The following ADAMTSL3 variants were observed in gnomAD, a reference collection of about 807,000 sequenced individuals.
The protein encoded by ADAMTSL3 is ADAMTS like 3.
A neutral mutation model predicts 201.7 loss-of-function variants in ADAMTSL3; 128 were observed. The ratio of observed to expected loss-of-function variants is 0.63; its 90% CI spans 0.55 to 0.73. The LOEUF (loss-of-function observed/expected upper bound fraction) is 0.73. Ranked by LOEUF, ADAMTSL3 falls within the 30% of genes least tolerant of loss-of-function variation. The probability of loss-of-function intolerance (pLI) is 0.00; values close to 1 mark genes in which losing one functional copy is unlikely to be tolerated. For synonymous variants in ADAMTSL3, 738 were observed against 748.4 expected (o/e 0.99, Z 0.23); for missense variants, 1,990 against 2,119.6 (o/e 0.94, Z 1.20).
chr15:83,969,468 A>G (rs1162843700), intron 19 of ADAMTSL3, among the ~76,000 whole-genome samples: 1 of 152,170 alleles, frequency 6.6e-6, no homozygotes, highest in Non-Finnish European at 1.5e-5. Context: ...CAAACAAACA[A>G]TGGACATGCC....
At chr15:83,695,062 C>T (rs903055486) in intron 2 of ADAMTSL3, among the ~76,000 whole-genome samples, 35 of 145,754 alleles carry the variant, frequency 2.4e-4, no homozygotes, top group Middle Eastern at 3.6e-3. Flanking sequence ...GTATTTGTGG[C>T]GTGTGCATGT....
At chr15:83,851,451 A>C (rs1016803681) in intron 7 of ADAMTSL3, among the ~76,000 whole-genome samples, 2 of 152,324 alleles carry the variant, frequency 1.3e-5, no homozygotes, top group African/African-American at 4.8e-5. Flanking sequence ...ACATATATGC[A>C]CACACACCCC....
intron 14 of ADAMTSL3, 117 bp from the exon 15 acceptor site, chr15:83,899,530 T>C (rs1009187396): frequency 2.0e-5 from 19 of 970,004 alleles, no homozygotes; most frequent in Non-Finnish European, 2.9e-5. Flanking sequence ...GAACTCAACT[T>C]GCATTTGAAA....
At chr15:83,775,569 C>T (rs867998707) in intron 4 of ADAMTSL3, among the ~76,000 whole-genome samples, 1 of 152,166 alleles carries the variant, frequency 6.6e-6, no homozygotes, top group Non-Finnish European at 1.5e-5. Flanking sequence ...AGTTGTTCAA[C>T]TTCTTCCATC....
intron 26 of ADAMTSL3, 38 bp from the exon 27 acceptor site, chr15:84,025,199 TA>T: frequency 6.5e-7 from 1 of 1,538,312 alleles, no homozygotes; most frequent in South Asian, 1.3e-5. Flanking sequence ...AGATCTGGCA[TA>T]CCAGTCCTTA....
At chr15:83,733,199 G>A (rs2062310712) in intron 3 of ADAMTSL3, among the ~76,000 whole-genome samples, 1 of 152,260 alleles carries the variant, frequency 6.6e-6, no homozygotes, top group Non-Finnish European at 1.5e-5. Context: ...ATCAAGACAA[G>A]TTGAACACCT....
At chr15:84,022,311 A>G (rs1369079514) in intron 26 of ADAMTSL3, among the ~76,000 whole-genome samples, 8 of 152,186 alleles carry the variant, frequency 5.3e-5, no homozygotes. Flanking sequence ...CTCTAAGAAT[A>G]AAGATATTTG....
At chr15:83,783,104 CAAT>C (rs1355184193) in intron 4 of ADAMTSL3, among the ~76,000 whole-genome samples, 1 of 147,744 alleles carries the variant, frequency 6.8e-6, no homozygotes, top group Non-Finnish European at 1.5e-5. Context: ...AACATAGAAA[CAAT>C]AATATAAAAT....
At position 83,872,627 on chromosome 15, in the gene ADAMTSL3, C is replaced by CACACACAG. The variant is rs6145659; in HGVS notation, c.960+1669_960+1670insCACACAGA. 7.9e-3 allele frequency among the ~76,000 whole-genome samples: 1,109 copies of CACACACAG among 140,936 alleles called. 22 individuals carry two copies. The highest frequency in any genetic ancestry group is 0.02 in the South Asian group (90 of 4,522). 92.5% of individuals were successfully genotyped at this position (140,936 alleles called of 152,430 possible). A position where few individuals can be genotyped will look rare whatever the true frequency, so the allele number is the denominator to read the frequency against. ...ACACACACACACACACACACACACA[C>CACACACAG]AGAGTTTTTGTTCTCTTTTAATTAC... is the stretch of plus-strand genomic sequence containing the variant. On this transcript the variant is annotated intron_variant, in intron 9 of 29. Coordinates refer to ENST00000286744, the MANE Select transcript of ADAMTSL3 (RefSeq NM_207517.3).
At chr15:83,891,458 A>C (rs1001483967) in intron 12 of ADAMTSL3, 79 bp downstream of exon 12, 1 of 1,180,602 alleles carries the variant, frequency 8.5e-7, no homozygotes, top group Non-Finnish European at 1.3e-6. Context: ...AATAGCCTAA[A>C]ATGTATGAGG....
chr15:83,987,177 C>T (rs927523061), intron 21 of ADAMTSL3, among the ~76,000 whole-genome samples: 1 of 152,224 alleles, frequency 6.6e-6, no homozygotes, highest in Non-Finnish European at 1.5e-5. Flanking sequence ...TATTTCTCCT[C>T]CATCAGGATT....
At chr15:83,808,835 A>C (rs922366476) in intron 5 of ADAMTSL3, among the ~76,000 whole-genome samples, 6 of 151,650 alleles carry the variant, frequency 4.0e-5, no homozygotes, top group African/African-American at 7.3e-5. Flanking sequence ...ACATGGATGA[A>C]TCTAGAGGAT....
chr15:83,949,201 T>C (rs1427689472), intron 19 of ADAMTSL3, among the ~76,000 whole-genome samples: 1 of 151,984 alleles, frequency 6.6e-6, no homozygotes, highest in East Asian at 1.9e-4. Flanking sequence ...CTACTCTCTA[T>C]CTCCATGAGT....
chr15:83,762,436 A>G (rs1056441437), intron 3 of ADAMTSL3, among the ~76,000 whole-genome samples: 73 of 152,154 alleles, frequency 4.8e-4, no homozygotes, highest in African/African-American at 1.6e-3. Flanking sequence ...AAGAACAAAA[A>G]TGTATTCTCT....
At chr15:83,892,061 G>C (rs1384682609) in intron 12 of ADAMTSL3, among the ~76,000 whole-genome samples, 1 of 150,654 alleles carries the variant, frequency 6.6e-6, no homozygotes, top group Non-Finnish European at 1.5e-5. Context: ...CTAAAACGTA[G>C]AAAAATTAGC....
chr15:83,700,753 G>A (rs991638992), intron 2 of ADAMTSL3, among the ~76,000 whole-genome samples: 11 of 152,256 alleles, frequency 7.2e-5, no homozygotes, highest in African/African-American at 2.6e-4. Flanking sequence ...GACAGAGCAA[G>A]ACTCCGTCTA....
At chr15:84,023,593 T>G (rs1343815629) in intron 26 of ADAMTSL3, among the ~76,000 whole-genome samples, 1 of 152,224 alleles carries the variant, frequency 6.6e-6, no homozygotes, top group South Asian at 2.1e-4. Context: ...AAACTCATGC[T>G]TCAGTAACTT....
Position 83,850,920 on chromosome 15 carries a change from T to C in ADAMTSL3, c.728-7846T>C, listed in dbSNP as rs1596313624. Among the ~76,000 whole-genome samples the C allele has an allele frequency of 2.6e-5, 4 of 152,308 alleles. No individual in the cohort carries two copies. The South Asian group carries it at 8.3e-4, about 32-fold the overall frequency. On this transcript the variant is annotated intron_variant, in intron 7 of 29. Transcript: ENST00000286744. ...GGACCAGTCCTCCCTTTCTGCCCTT[T>C]ATGACTTGAGTTCTCCCTCTCTATA...
intron 2 of ADAMTSL3, among the ~76,000 whole-genome samples, chr15:83,702,734 A>G (rs2061793786): frequency 6.6e-6 from 1 of 152,188 alleles, no homozygotes; most frequent in Non-Finnish European, 1.5e-5. Context: ...GCCCAGGCAA[A>G]AGTTTGCTGC....
Sources: allele counts gnomAD v4.1 joint callset (sites outside exome capture counted in the v4.1 genomes callset), GRCh38; gene constraint gnomAD v4.1.1; transcripts MANE v1.5; gene names NCBI Gene and HGNC (gene_info 2026-07-23, HGNC 2026-07-21).